LCA5: variants seen among roughly 807,000 people sequenced by gnomAD.
LCA5 encodes lebercilin LCA5.
Under a neutral mutation model 53.0 loss-of-function variants are expected in LCA5, and 37 were observed. That is an observed-to-expected ratio of 0.70 (90% CI 0.54 to 0.92). The LOEUF (loss-of-function observed/expected upper bound fraction) is 0.92. Among genes scored for constraint, LCA5 ranks in the 40% least tolerant of loss-of-function variants. The pLI is 0.00. For missense variants in LCA5, 806 were observed against 790.5 expected, an observed-to-expected ratio of 1.02 and a Z score of -0.23; for synonymous variants, 303 against 282.9, an observed-to-expected ratio of 1.07 and a Z score of -0.71.
intron 3 of LCA5, among the ~76,000 whole-genome samples, chr6:79,504,389 T>C (rs958277841): frequency 6.6e-6 from 1 of 152,198 alleles, no homozygotes; most frequent in Non-Finnish European, 1.5e-5. Flanking sequence ...GGGCAGCAAC[T>C]AGAACCAGAA....
At position 79,489,109 on chromosome 6, in the gene LCA5, T is replaced by C; in HGVS notation, c.1206A>G (p.Lys402=). ...FVTDEELHVV[K]QEVEKLEDEW... ...CATCCTCCAGCTTTTCAACCTCCTG[T>C]TTTACGACATGGAGTTCTTCATCTG... is the stretch of plus-strand genomic sequence containing the variant. Residue 402 remains lysine, a synonymous_variant, in exon 7 of 8, where the codon AAA becomes AAG. Transcript: ENST00000369846. The C allele has an allele frequency of 1.2e-6, 2 of 1,613,310 alleles. No individual in the cohort carries two copies. Among genetic ancestry groups the C allele is most frequent in the Non-Finnish European group, 1.7e-6 (2 of 1,179,742 alleles).
rs1766322357 is a variant in LCA5, at chr6:79,513,633, A to G, written c.299T>C (p.Val100Ala). 1.9e-6 allele frequency: 3 copies of G among 1,613,860 alleles called. No individual in the cohort carries two copies. Among genetic ancestry groups the G allele is most frequent in the Non-Finnish European group, 2.5e-6 (3 of 1,179,856 alleles). The change falls in exon 3 of 8, where the codon GTT (valine) becomes GCT (alanine). Residue 100 changes from valine (V) to alanine (A), a missense_variant. By Grantham distance (64) the Val-to-Ala change is moderately conservative. Transcript: ENST00000369846. ...TCTTGCAGACAGAATCCGTTTTGTA[A>G]CAAGATCAGTATCTTTCCGAAGTGG... ...REPLRKDTDLVTKRILSARLL... is the reference protein window; with the variant it reads ...REPLRKDTDLATKRILSARLL...
intron 1 of LCA5, among the ~76,000 whole-genome samples, chr6:79,522,868 G>C (rs941112256): frequency 2.7e-5 from 4 of 149,694 alleles, no homozygotes; most frequent in African/African-American, 9.9e-5. Context: ...TTAATATTAA[G>C]GAATTATATT....
At chr6:79,496,957 ATTATT>A (rs1769998150) in intron 3 of LCA5, among the ~76,000 whole-genome samples, 1 of 152,182 alleles carries the variant, frequency 6.6e-6, no homozygotes, top group South Asian at 2.1e-4. Flanking sequence ...GAAGGATACA[ATTATT>A]TTAATTTGTT....
rs750725128 is a variant in LCA5, at chr6:79,518,826, G to A, written c.69C>T (p.Tyr23=). Residue 23 remains tyrosine (Y), a synonymous_variant, in exon 2 of 8, where the codon TAC becomes TAT. Coordinates refer to ENST00000369846, the MANE Select transcript of LCA5 (RefSeq NM_001122769.3). ...ACTGTGGCGTTTCAAAATCAGATAA[G>A]TAAGAATAATGGTGTTTGCCTGCCT... ...ERKAGKHHYS[Y]LSDFETPQSS... is the part of the protein sequence containing the mutation. 15 of 1,613,970 alleles carry A rather than the reference G, an allele frequency of 9.3e-6. No homozygotes were observed. Among genetic ancestry groups the A allele is most frequent in the Non-Finnish European group, 1.3e-5 (15 of 1,179,990 alleles).
At chr6:79,493,860 A>G in intron 3 of LCA5, 110 bp from the exon 4 acceptor site, 1 of 766,090 alleles carries the variant, frequency 1.3e-6, no homozygotes, top group Non-Finnish European at 2.1e-6. Flanking sequence ...CAAGACCTAC[A>G]AATCAGACTG....
chr6:79,536,035 CTT>C (rs1333126756), intron 1 of LCA5, among the ~76,000 whole-genome samples: 1 of 152,192 alleles, frequency 6.6e-6, no homozygotes, highest in Non-Finnish European at 1.5e-5. Flanking sequence ...AGAAAAATCT[CTT>C]TTCCAAAGTC....
At chr6:79,491,552 A>G (rs1479033089) in intron 6 of LCA5, 36 bp downstream of exon 6, 3 of 1,609,360 alleles carry the variant, frequency 1.9e-6, no homozygotes, top group East Asian at 2.2e-5. Context: ...ATAACTTCAG[A>G]CCGAGTTTGG....
intron 1 of LCA5, among the ~76,000 whole-genome samples, chr6:79,519,890 A>G (rs1766577308): frequency 6.6e-6 from 1 of 152,254 alleles, no homozygotes; most frequent in African/African-American, 2.4e-5. Flanking sequence ...TCATCCTTTG[A>G]GAAAAATATG....
At chr6:79,515,205 G>C (rs1352982334) in intron 2 of LCA5, among the ~76,000 whole-genome samples, 2 of 151,856 alleles carry the variant, frequency 1.3e-5, no homozygotes, top group Non-Finnish European at 2.9e-5. Context: ...ATAGAAAGAA[G>C]ACAATATTAT....
At chr6:79,523,035 A>C (rs1023088657) in intron 1 of LCA5, among the ~76,000 whole-genome samples, 3 of 152,108 alleles carry the variant, frequency 2.0e-5, no homozygotes, top group Non-Finnish European at 2.9e-5. Context: ...TACAAAATTG[A>C]CTGTGAGTTG....
intron 1 of LCA5, among the ~76,000 whole-genome samples, chr6:79,530,662 A>G (rs189415710): frequency 5.4e-4 from 82 of 152,308 alleles, no homozygotes; most frequent in African/African-American, 1.9e-3. Context: ...TTTAATAAGC[A>G]AGTACATCCT....
intron 3 of LCA5, among the ~76,000 whole-genome samples, chr6:79,505,302 TATAC>T (rs1422094532): frequency 1.3e-5 from 2 of 152,102 alleles, no homozygotes; most frequent in Non-Finnish European, 2.9e-5. Context: ...AAGGTAAAAA[TATAC>T]ATAAATAATA....
intron 3 of LCA5, among the ~76,000 whole-genome samples, chr6:79,494,093 A>T (rs1018927105): frequency 6.6e-6 from 1 of 152,088 alleles, no homozygotes; most frequent in African/African-American, 2.4e-5. Context: ...TCTATAAAAT[A>T]AGAGTTTAAA....
intron 1 of LCA5, among the ~76,000 whole-genome samples, chr6:79,519,370 G>A (rs902024084): frequency 7.2e-5 from 11 of 152,148 alleles, no homozygotes; most frequent in African/African-American, 2.7e-4. Context: ...GGCAAATGCT[G>A]AATTTTAATG....
At chr6:79,494,490 TATAG>T (rs533125153) in intron 3 of LCA5, among the ~76,000 whole-genome samples, 1,849 of 151,088 alleles carry the variant, frequency 0.012, 27 homozygotes, top group African/African-American at 0.038. Flanking sequence ...TAAAGCATCT[TATAG>T]ATAGATAGAT....
rs2029918900 is a variant in LCA5 at position 79,525,365 on chromosome 6, T to C, written c.-191-6280A>G. ...CAGCTGGACCAATTCCTAGGACCCA[T>C]CTTTTACACCTGGGCTAAAAACAAC... On this transcript the variant is annotated intron_variant, in intron 1 of 7. Transcript: ENST00000369846. 5 of 152,308 alleles carry C rather than the reference T, an allele frequency of 3.3e-5. No homozygotes were observed. The South Asian group carries it at 1.0e-3, about 32-fold the overall frequency. The allele number at this position is 152,308 out of a possible 1,614,324, so 9.4% of individuals were successfully genotyped here. A position where few individuals can be genotyped will look rare whatever the true frequency, so the allele number is the denominator to read the frequency against.
At chr6:79,516,744 C>G (rs2575214) in intron 2 of LCA5, among the ~76,000 whole-genome samples, 73,989 of 151,650 alleles carry the variant, frequency 0.49, 19,280 homozygotes, top group East Asian at 0.81. Context: ...ATCTCTCCTT[C>G]TTAAGTCACT....
At chr6:79,495,974 C>T (rs1769973826) in intron 3 of LCA5, among the ~76,000 whole-genome samples, 1 of 151,838 alleles carries the variant, frequency 6.6e-6, no homozygotes, top group African/African-American at 2.4e-5. Context: ...ATCTGTCCCA[C>T]AAAATTCAGT....
Sources: allele counts gnomAD v4.1 joint callset (sites outside exome capture counted in the v4.1 genomes callset), GRCh38; gene constraint gnomAD v4.1.1; transcripts MANE v1.5; gene names NCBI Gene and HGNC (gene_info 2026-07-23, HGNC 2026-07-21).